Variants in SPATA31H1 observed in about 807,000 individuals in gnomAD.
The protein encoded by SPATA31H1 is SPATA31 subfamily H member 1.
the SPATA31H1 span, chr2:27,581,422 C>T: frequency 6.2e-7 from 1 of 1,614,026 alleles, no homozygotes; most frequent in East Asian, 2.2e-5. Context: ...CACTGCAGTC[C>T]CCCCGAGAGG....
chr2:27,554,784 G>T, the SPATA31H1 span, among the ~76,000 whole-genome samples: 30,359 of 151,870 alleles, frequency 0.2, 3,393 homozygotes, highest in East Asian at 0.35. Flanking sequence ...ATGTTGACCA[G>T]GCTGGTCTCA....
At chr2:27,546,411 A>G in the SPATA31H1 span, among the ~76,000 whole-genome samples, 3 of 151,968 alleles carry the variant, frequency 2.0e-5, no homozygotes, top group African/African-American at 4.9e-5. Context: ...TCCTCCCCAT[A>G]TAGATATCTA....
chr2:27,577,814 G>A, the SPATA31H1 span: 7 of 1,613,990 alleles, frequency 4.3e-6, no homozygotes, highest in Non-Finnish European at 5.9e-6. This position sits in a 1 kb window ranked among gnomAD's most constrained non-coding sequence, Gnocchi z 4.5. Context: ...TACAAATGGA[G>A]GAATCTTTAG....
At chr2:27,558,819 C>T in the SPATA31H1 span, among the ~76,000 whole-genome samples, 4 of 113,232 alleles carry the variant, frequency 3.5e-5, no homozygotes, top group Non-Finnish European at 5.5e-5. Flanking sequence ...GAGAATCAGG[C>T]AGGGAGGTTG....
the SPATA31H1 span, among the ~76,000 whole-genome samples, chr2:27,538,873 A>G: frequency 1.3e-5 from 2 of 151,834 alleles, no homozygotes; most frequent in Admixed American, 6.6e-5. Context: ...TTCCCCAAGT[A>G]TTTATCACCT....
the SPATA31H1 span, among the ~76,000 whole-genome samples, chr2:27,560,678 C>T: frequency 1.9e-3 from 289 of 152,206 alleles, 2 homozygotes; most frequent in African/African-American, 6.9e-3. Context: ...AGGATGGTCT[C>T]GATCTCCTGA....
the SPATA31H1 span, chr2:27,574,049 C>T: frequency 2.5e-6 from 1 of 398,368 alleles, no homozygotes; most frequent in South Asian, 1.3e-4. Flanking sequence ...TGAAAGATAT[C>T]CCATATTATG....
the SPATA31H1 span, chr2:27,580,676 A>G: frequency 4.3e-6 from 7 of 1,614,116 alleles, no homozygotes; most frequent in East Asian, 1.6e-4. Context: ...ACAGAGTTAT[A>G]GCTTCTGTTG....
the SPATA31H1 span, chr2:27,579,874 A>C: frequency 6.2e-7 from 1 of 1,614,204 alleles, no homozygotes; most frequent in Admixed American, 1.7e-5. Context: ...TTAAGGAGTC[A>C]AATACCCCCC....
the SPATA31H1 span, chr2:27,567,786 A>T: frequency 2.5e-6 from 1 of 399,098 alleles, no homozygotes; most frequent in Non-Finnish European, 4.4e-6. Flanking sequence ...ACAAGTGACT[A>T]ATGTGGAGTT....
chr2:27,571,004 A>G, the SPATA31H1 span: 1 of 398,680 alleles, frequency 2.5e-6, no homozygotes, highest in East Asian at 3.6e-5. Context: ...CACAGTTACA[A>G]AACGTAAATC....
chr2:27,576,513 T>A, the SPATA31H1 span: 1 of 1,327,808 alleles, frequency 7.5e-7, no homozygotes, highest in Non-Finnish European at 1.0e-6. Context: ...ATGCTTTGGG[T>A]CACAATGCGT....
At chr2:27,538,885 C>T in the SPATA31H1 span, among the ~76,000 whole-genome samples, 4 of 151,858 alleles carry the variant, frequency 2.6e-5, no homozygotes, top group African/African-American at 9.7e-5. Context: ...TTATCACCTG[C>T]TCCTACCCCC....
chr2:27,578,150 T>C, the SPATA31H1 span: 1 of 1,614,126 alleles, frequency 6.2e-7, no homozygotes, highest in Admixed American at 1.7e-5. Flanking sequence ...TTGTAAAGTC[T>C]GTGACGATAC....
chr2:27,564,854 T>A, the SPATA31H1 span, among the ~76,000 whole-genome samples: 1 of 152,218 alleles, frequency 6.6e-6, no homozygotes, highest in Admixed American at 6.5e-5. Context: ...ATTACTGCCT[T>A]TAAAATGACC....
At chr2:27,582,178 G>A in the SPATA31H1 span, 14 of 1,612,040 alleles carry the variant, frequency 8.7e-6, no homozygotes, top group South Asian at 1.4e-4. Context: ...GAGAGGAGAG[G>A]ACACAGTTCC....
chr2:27,566,853 C>T, the SPATA31H1 span: 6 of 717,526 alleles, frequency 8.4e-6, no homozygotes, highest in Non-Finnish European at 1.6e-5. Flanking sequence ...GAAAGCAAAA[C>T]ATTCTACTGA....
chr2:27,538,182 A>T, the SPATA31H1 span, among the ~76,000 whole-genome samples: 2 of 152,194 alleles, frequency 1.3e-5, no homozygotes, highest in African/African-American at 4.8e-5. Context: ...AATACTTGGT[A>T]TAAATACAAC....
At chr2:27,582,623 G>T in the SPATA31H1 span, 2 of 1,280,902 alleles carry the variant, frequency 1.6e-6, no homozygotes, top group Non-Finnish European at 1.1e-6. Context: ...CAATTCCTGC[G>T]CCCCCAGCGT....
Sources: allele counts gnomAD v4.1 joint callset (sites outside exome capture counted in the v4.1 genomes callset), GRCh38; gene constraint gnomAD v4.1.1; non-coding constraint Gnocchi (gnomAD v3.1); transcripts MANE v1.5; gene names NCBI Gene and HGNC (gene_info 2026-07-23, HGNC 2026-07-21).